Variants in BCAS1 observed in about 807,000 individuals in gnomAD.
The protein encoded by BCAS1 is breast carcinoma-amplified sequence 1.
BCAS1 carries 46 observed loss-of-function variants against 65.4 expected under a neutral mutation model. That is an observed-to-expected ratio of 0.70 (90% CI 0.55 to 0.90). BCAS1 has a LOEUF of 0.90. BCAS1 is among the 40% of genes least tolerant of loss of function. The pLI is 0.00. For synonymous variants in BCAS1, 298 were observed against 293.5 expected (o/e 1.02, Z -0.16); for missense variants, 793 against 771.2 (o/e 1.03, Z -0.33).
chr20:53,981,539 C>CTTTT (rs36063430), intron 8 of BCAS1, among the ~76,000 whole-genome samples: 1 of 130,754 alleles, frequency 7.6e-6, no homozygotes. Flanking sequence ...ATTTGGCGTT[C>CTTTT]TTTTTTTTTT....
chr20:53,974,915 T>C (rs192820132), intron 9 of BCAS1, among the ~76,000 whole-genome samples: 4 of 152,298 alleles, frequency 2.6e-5, no homozygotes, highest in Admixed American at 6.5e-5. Context: ...AAGTCAGCGC[T>C]CTAACCTGAG....
chr20:53,944,938 A>G lies in BCAS1; in HGVS notation c.1874T>C (p.Val625Ala), dbSNP rs1469307864. 5 of 1,613,940 alleles carry G rather than the reference A, an allele frequency of 3.1e-6. No individual in the cohort carries two copies. Among genetic ancestry groups the G allele is most frequent in the African/African-American group, 1.3e-5 (1 of 74,842 alleles). ...CTGATTTGTTTACTTGGATTTGCCAACTGGTCCGATGGATACTGGGTCTGT... is the reference window on the plus strand; with the variant it reads ...CTGATTTGTTTACTTGGATTTGCCAGCTGGTCCGATGGATACTGGGTCTGT... ...VQTDPVSIGPVGKSK is the reference protein window; with the variant it reads ...VQTDPVSIGPAGKSK The change falls in exon 13 of 13, where the codon GTT becomes GCT. Residue 625 changes from valine (V) to alanine (A), a missense_variant. Val to Ala is a moderately conservative substitution (Grantham distance 64). Transcript: ENST00000688948.
chr20:54,012,070 C>T (rs116266273), intron 4 of BCAS1, among the ~76,000 whole-genome samples: 1,952 of 152,170 alleles, frequency 0.013, 40 homozygotes, highest in African/African-American at 0.044. Context: ...CGAAAAGGAC[C>T]AATATCTACC....
chr20:54,067,736 CA>C (rs1465618475), intron 1 of BCAS1, among the ~76,000 whole-genome samples: 3 of 152,202 alleles, frequency 2.0e-5, no homozygotes, highest in Non-Finnish European at 4.4e-5. Context: ...TCATCACCAG[CA>C]GGCAGCTAGA....
At chr20:53,970,053 C>T (rs116079492) in intron 9 of BCAS1, among the ~76,000 whole-genome samples, 1,996 of 152,208 alleles carry the variant, frequency 0.013, 54 homozygotes, top group African/African-American at 0.045. Flanking sequence ...ATAGAGTTTG[C>T]GTTCAGAAGT....
chr20:54,050,976 C>T (rs185427819), intron 3 of BCAS1, among the ~76,000 whole-genome samples: 1 of 152,178 alleles, frequency 6.6e-6, no homozygotes, highest in East Asian at 1.9e-4. Flanking sequence ...TGGTAAAAAG[C>T]CTTTTTAGGT....
chr20:53,969,862 C>G (rs6091798), intron 9 of BCAS1, among the ~76,000 whole-genome samples: 1 of 152,110 alleles, frequency 6.6e-6, no homozygotes, highest in African/African-American at 2.4e-5. Flanking sequence ...CTCAGGGTAC[C>G]TAAATTTCAT....
intron 7 of BCAS1, among the ~76,000 whole-genome samples, chr20:53,990,278 T>C (rs2090722667): frequency 6.6e-6 from 1 of 152,208 alleles, no homozygotes; most frequent in Non-Finnish European, 1.5e-5. Context: ...ATGCTCTGTT[T>C]TGTGTCTAAA....
At chr20:54,006,970 A>G (rs2091210723) in intron 4 of BCAS1, among the ~76,000 whole-genome samples, 1 of 152,256 alleles carries the variant, frequency 6.6e-6, no homozygotes, top group East Asian at 1.9e-4. Context: ...AGGGCTGCTA[A>G]GGAGAAAAGA....
chr20:54,058,017 C>G, intron 3 of BCAS1, 68 bp downstream of exon 3: 1 of 1,145,106 alleles, frequency 8.7e-7, no homozygotes, highest in Non-Finnish European at 1.3e-6. Context: ...TTTTTTTCAC[C>G]GTAAACAGCA....
At chr20:53,954,454 C>T (rs1600697929) in intron 11 of BCAS1, among the ~76,000 whole-genome samples, 2 of 152,262 alleles carry the variant, frequency 1.3e-5, no homozygotes, top group East Asian at 3.9e-4. Flanking sequence ...CGAGTGTTTT[C>T]CTGGGGATGC....
intron 9 of BCAS1, among the ~76,000 whole-genome samples, chr20:53,967,407 G>A (rs1461187427): frequency 6.6e-6 from 1 of 152,102 alleles, no homozygotes; most frequent in African/African-American, 2.4e-5. Flanking sequence ...TGCCACGTAG[G>A]TGAATTACAT....
Position 54,058,657 on chromosome 20 carries a change from T to A in BCAS1, c.62A>T (p.Glu21Val). The A allele has an allele frequency of 6.3e-7, 1 of 1,599,988 alleles. No individual in the cohort carries two copies. The highest frequency in any genetic ancestry group is 8.5e-7 in the Non-Finnish European group (1 of 1,173,062). Residue 21 changes from glutamate (E) to valine (V), a missense_variant, in exon 2 of 13, where the codon GAG (glutamate) becomes GTG (valine). Physicochemically the swap from Glu to Val is moderately radical, Grantham distance 121 (BLOSUM62 -2). Transcript: ENST00000688948. ...TGGTTACTACACTACCTGGTAAGTC[T>A]CTGCTTCTGGTTCATTCTCTTGGTC... is the stretch of plus-strand genomic sequence containing the variant. ...VEDQENEPEA[E>V]TYQDNASALN...
intron 6 of BCAS1, among the ~76,000 whole-genome samples, chr20:53,993,251 A>T (rs1715207822): frequency 6.6e-6 from 1 of 152,218 alleles, no homozygotes; most frequent in South Asian, 2.1e-4. Context: ...AAACCGAAAT[A>T]GCCTGGCTAC....
intron 8 of BCAS1, among the ~76,000 whole-genome samples, chr20:53,980,714 A>ATCT (rs2090455916): frequency 6.6e-6 from 1 of 152,188 alleles, no homozygotes; most frequent in Non-Finnish European, 1.5e-5. Flanking sequence ...CTCTTTGAGC[A>ATCT]TCTTTGAGCC....
intron 8 of BCAS1, among the ~76,000 whole-genome samples, chr20:53,982,704 C>T (rs208368): frequency 2.6e-5 from 4 of 152,118 alleles, no homozygotes; most frequent in Admixed American, 6.5e-5. Flanking sequence ...TGTAATTTAA[C>T]GAAAAGAAAA....
intron 11 of BCAS1, among the ~76,000 whole-genome samples, chr20:53,957,039 C>T (rs753597671): frequency 3.9e-5 from 6 of 152,064 alleles, no homozygotes; most frequent in Non-Finnish European, 8.8e-5. Flanking sequence ...TCCAGACAGA[C>T]ATGAGAAGAA....
chr20:53,951,703 T>C (rs1335715547), intron 12 of BCAS1, among the ~76,000 whole-genome samples: 1 of 152,210 alleles, frequency 6.6e-6, no homozygotes, highest in Non-Finnish European at 1.5e-5. Context: ...AGACTTGCGT[T>C]GGCAAATCCA....
intron 12 of BCAS1, among the ~76,000 whole-genome samples, chr20:53,951,116 C>T (rs2145487252): frequency 6.6e-6 from 1 of 152,290 alleles, no homozygotes; most frequent in Non-Finnish European, 1.5e-5. Context: ...TTAGAAGCCA[C>T]AGTGTAAATC....
Sources: gnomAD v4.1 joint callset for allele counts (sites outside exome capture counted in the v4.1 genomes callset) on GRCh38, gnomAD v4.1.1 for gene constraint, MANE v1.5 for transcripts, NCBI Gene and HGNC (gene_info 2026-07-23, HGNC 2026-07-21) for gene names.